NRG1: variants seen among roughly 807,000 people sequenced by gnomAD.
NRG1 encodes the protein neuregulin 1, also known as pro-neuregulin-1, membrane-bound isoform.
Under a neutral mutation model 63.8 loss-of-function variants are expected in NRG1, and 18 were observed. The observed-to-expected ratio is 0.28, with a 90% CI of 0.19 to 0.42. NRG1 has a LOEUF of 0.42. Ranked by LOEUF, NRG1 falls within the 10% of genes least tolerant of loss-of-function variation. The pLI, the probability that NRG1 is intolerant of heterozygous loss-of-function variation, is 1.00. For synonymous variants in NRG1, 302 were observed against 301.3 expected, an observed-to-expected ratio of 1.00 and a Z score of -0.02; for missense variants, 762 against 814.7, an observed-to-expected ratio of 0.94 and a Z score of 0.79.
intron 1 of NRG1, among the ~76,000 whole-genome samples, chr8:32,474,064 T>C (rs769923917): frequency 3.1e-4 from 47 of 152,194 alleles, no homozygotes; most frequent in Non-Finnish European, 4.6e-4. Flanking sequence ...AATACTTTTC[T>C]TAGTCATTTA....
intron 2 of NRG1, among the ~76,000 whole-genome samples, chr8:32,599,743 A>T (rs561250929): frequency 9.2e-5 from 14 of 152,076 alleles, no homozygotes; most frequent in Non-Finnish European, 4.4e-5. Context: ...TGGCAGATTG[A>T]CCTCATTTAA....
intron 1 of NRG1, among the ~76,000 whole-genome samples, chr8:32,503,288 GAAAAAAAAAA>G (rs60857610): frequency 0.015 from 813 of 54,856 alleles, 7 homozygotes; most frequent in African/African-American, 0.045. Flanking sequence ...CTCTGTCTCA[GAAAAAAAAAA>G]AAAAAAAAAA....
At chr8:31,830,126 A>C (rs1375722873) in intron 1 of NRG1, among the ~76,000 whole-genome samples, 3 of 152,218 alleles carry the variant, frequency 2.0e-5, no homozygotes, top group African/African-American at 7.2e-5. Flanking sequence ...GAGTATTATC[A>C]TATCAATTGT....
exon 11 of NRG1, chr8:32,760,388 A>G: frequency 6.2e-7 from 1 of 1,613,670 alleles, no homozygotes; most frequent in Non-Finnish European, 8.5e-7. Flanking sequence ...TCCTACCGAG[A>G]CTCTCCTCAT....
chr8:32,223,813 T>TG (rs369494883), intron 1 of NRG1, among the ~76,000 whole-genome samples: 68 of 152,264 alleles, frequency 4.5e-4, no homozygotes, highest in African/African-American at 1.4e-3. Context: ...CGGAAAATTA[T>TG]GGGTTATAAA....
At chr8:31,688,956 A>T (rs1477516894) in intron 1 of NRG1, among the ~76,000 whole-genome samples, 5 of 152,176 alleles carry the variant, frequency 3.3e-5, no homozygotes. Flanking sequence ...TTCAGGGGAC[A>T]ATCTGTTTTC....
intron 1 of NRG1, among the ~76,000 whole-genome samples, chr8:32,115,066 T>A (rs939423903): frequency 1.4e-4 from 22 of 152,012 alleles, no homozygotes; most frequent in Non-Finnish European, 5.9e-5. Flanking sequence ...AGTCTTGCTC[T>A]GTTGCCCAGG....
chr8:31,991,744 T>C (rs972088601), intron 1 of NRG1, among the ~76,000 whole-genome samples: 1 of 151,934 alleles, frequency 6.6e-6, no homozygotes, highest in Non-Finnish European at 1.5e-5. Flanking sequence ...TTAAGCTCAC[T>C]CTTTATTTCT....
intron 1 of NRG1, among the ~76,000 whole-genome samples, chr8:31,927,705 C>T (rs1023938697): frequency 4.0e-5 from 6 of 150,110 alleles, no homozygotes; most frequent in African/African-American, 1.2e-4. Flanking sequence ...GCCTCGGCCT[C>T]CCAAAGTGCT....
At chr8:31,855,030 A>G (rs139143825) in intron 1 of NRG1, among the ~76,000 whole-genome samples, 9,077 of 152,188 alleles carry the variant, frequency 0.06, 344 homozygotes, top group Admixed American at 0.12. Context: ...CTTTACCTCC[A>G]AGTATGTGGT....
intron 1 of NRG1, among the ~76,000 whole-genome samples, chr8:31,653,972 G>A (rs1007821530): frequency 6.7e-6 from 1 of 148,786 alleles, no homozygotes; most frequent in Non-Finnish European, 1.5e-5. Context: ...TTTTTTCATA[G>A]TAGGATAAAT....
chr8:32,138,430 A>C (rs1204404009), intron 1 of NRG1, among the ~76,000 whole-genome samples: 1 of 151,872 alleles, frequency 6.6e-6, no homozygotes, highest in Non-Finnish European at 1.5e-5. Context: ...TGTCAAAGAC[A>C]TGCTGCCAAT....
Position 31,811,291 on chromosome 8 carries a change from A to C in NRG1, c.37+171860A>C, listed in dbSNP as rs117574455. Among the ~76,000 whole-genome samples, 585 of 152,286 alleles carry C rather than the reference A, an allele frequency of 3.8e-3. 1 individual carries two copies. The highest frequency in any genetic ancestry group is 0.02 in the Middle Eastern group (6 of 294). On this transcript the variant is annotated intron_variant, in intron 1 of 10. Transcript: ENST00000519301. The stretch of plus-strand genomic sequence containing the variant: ...AGCTGTTTTAGGGAGAATCAATCTC[A>C]CTTCTAGTAGATTTCTCCTGTGTAA...
chr8:32,382,822 G>T (rs1345294771), intron 1 of NRG1, among the ~76,000 whole-genome samples: 1 of 152,034 alleles, frequency 6.6e-6, no homozygotes, highest in Non-Finnish European at 1.5e-5. Flanking sequence ...ACTGGTCCAG[G>T]CCCTGGAAAT....
rs543806966 is a variant in NRG1 at position 31,943,370 on chromosome 8, C to T, written c.37+303939C>T. On this transcript the variant is annotated intron_variant, in intron 1 of 10. Transcript: ENST00000519301. Reference sequence around the variant, plus strand: ...GGCATAAGAATGATACATTGGACTTCGGGGACTTGCAGGGAAAGTTTGGGG... The same window carrying T: ...GGCATAAGAATGATACATTGGACTTTGGGGACTTGCAGGGAAAGTTTGGGG... 1.3e-3 allele frequency among the ~76,000 whole-genome samples: 192 copies of T among 151,880 alleles called. 1 individual carries two copies. The highest frequency in any genetic ancestry group is 2.1e-3 in the Non-Finnish European group (145 of 67,944).
chr8:32,711,117 A>G (rs190109507), intron 5 of NRG1, among the ~76,000 whole-genome samples: 50 of 152,238 alleles, frequency 3.3e-4, no homozygotes, highest in African/African-American at 1.2e-3. Flanking sequence ...GTCATCGGGC[A>G]GAATATTTCA....
intron 1 of NRG1, among the ~76,000 whole-genome samples, chr8:32,588,233 T>TA (rs1490156656): frequency 6.6e-6 from 1 of 152,156 alleles, no homozygotes; most frequent in Admixed American, 6.5e-5. Context: ...CTCTACATGT[T>TA]TTTTAAGTGC....
At chr8:31,800,874 T>C (rs1821711964) in intron 1 of NRG1, among the ~76,000 whole-genome samples, 1 of 128,120 alleles carries the variant, frequency 7.8e-6, no homozygotes. Context: ...GGAGTCTCGC[T>C]CCATCTCCCA....
chr8:32,448,010 A>T (rs1820486811), intron 1 of NRG1, among the ~76,000 whole-genome samples: 1 of 152,160 alleles, frequency 6.6e-6, no homozygotes, highest in Non-Finnish European at 1.5e-5. Flanking sequence ...TTAGTAGAAC[A>T]TTATTTTAAA....
Sources: allele counts gnomAD v4.1 joint callset (sites outside exome capture counted in the v4.1 genomes callset), GRCh38; gene constraint gnomAD v4.1.1; transcripts MANE v1.5; gene names NCBI Gene and HGNC (gene_info 2026-07-23, HGNC 2026-07-21).